Variants in SPATC1 observed in about 807,000 individuals in gnomAD.
SPATC1 encodes the protein speriolin.
A neutral mutation model predicts 36.5 loss-of-function variants in SPATC1; 35 were observed. The observed-to-expected ratio is 0.96, with a 90% CI of 0.73 to 1.27. The LOEUF is 1.27. Ranked by LOEUF, SPATC1 falls within the 50% of genes most tolerant of loss-of-function variation. The pLI, the probability that SPATC1 is intolerant of heterozygous loss-of-function variation, is 0.00. For synonymous variants in SPATC1, 361 were observed against 353.6 expected (o/e 1.02, Z -0.24); for missense variants, 779 against 796.0 (o/e 0.98, Z 0.26).
chr8:144,026,987 C>CTTTTTTT (rs1169014232), intron 1 of SPATC1, among the ~76,000 whole-genome samples: 1 of 114,302 alleles, frequency 8.7e-6, no homozygotes, highest in African/African-American at 3.4e-5. Context: ...TTTTTTTTTT[C>CTTTTTTT]TTTTTTTTTT....
At chr8:144,015,573 C>T (rs546050971) in intron 1 of SPATC1, among the ~76,000 whole-genome samples, 30 of 148,944 alleles carry the variant, frequency 2.0e-4, no homozygotes, top group African/African-American at 7.1e-4. Context: ...GAAACCCCAT[C>T]TCTACTACAA....
In SPATC1 at chr8:144,016,334, C is replaced by T. The variant is rs1223178701; in HGVS notation, c.211+3608C>T. Among the ~76,000 whole-genome samples, 2 of 151,864 alleles carry T rather than the reference C, an allele frequency of 1.3e-5. No individual in the cohort carries two copies. The highest frequency in any genetic ancestry group is 2.9e-5 in the Non-Finnish European group (2 of 67,978). ...TGTGTGATTTGTGAGTGAATGTGTGCATATGGCTCTGTGTGTGTGTGAGTT... is the reference window on the plus strand; with the variant it reads ...TGTGTGATTTGTGAGTGAATGTGTGTATATGGCTCTGTGTGTGTGTGAGTT... On this transcript the variant is annotated intron_variant, in intron 1 of 4. Transcript: ENST00000377470. This position sits in a 1 kb window ranked among gnomAD's most constrained non-coding sequence, Gnocchi z 4.5.
In SPATC1 at chr8:144,040,274, G is replaced by A; in HGVS notation, c.577G>A (p.Val193Ile). The A allele has an allele frequency of 6.2e-7, 1 of 1,612,774 alleles. No homozygotes were observed. The highest frequency in any genetic ancestry group is 1.3e-5 in the African/African-American group (1 of 75,040). The change falls in exon 2 of 5, where the codon GTC (valine) becomes ATC (isoleucine). Residue 193 changes from valine to isoleucine, a missense_variant. Transcript: ENST00000377470. ...AGCCCCTGTGATGGGCACGGTGGCT[G>A]TCTCTCTGAGCAGCCCCCTCCTCAG... is the stretch of plus-strand genomic sequence containing the variant. Reference protein sequence around the residue: ...LIAPVMGTVAVSLSSPLLSST... With the variant: ...LIAPVMGTVAISLSSPLLSST...
At chr8:144,015,442 AG>A (rs150385770) in intron 1 of SPATC1, among the ~76,000 whole-genome samples, 5,123 of 151,344 alleles carry the variant, frequency 0.034, 307 homozygotes, top group African/African-American at 0.12. Context: ...TAAAAAAAAA[AG>A]AAAGAAAGAA....
At chr8:144,026,100 A>C (rs1834671755) in intron 1 of SPATC1, among the ~76,000 whole-genome samples, 2 of 147,316 alleles carry the variant, frequency 1.4e-5, no homozygotes, top group Non-Finnish European at 1.5e-5. Context: ...CCCTCTCACC[A>C]CCCCCTCCCC....
At chr8:144,027,778 A>G (rs1834714798) in intron 1 of SPATC1, among the ~76,000 whole-genome samples, 1 of 152,164 alleles carries the variant, frequency 6.6e-6, no homozygotes, top group Admixed American at 6.5e-5. Flanking sequence ...GGATCACTTG[A>G]GGTCAGGAGT....
intron 1 of SPATC1, among the ~76,000 whole-genome samples, chr8:144,025,938 T>C (rs1271015053): frequency 6.6e-6 from 1 of 152,198 alleles, no homozygotes; most frequent in Non-Finnish European, 1.5e-5. Flanking sequence ...TGAGATGTAA[T>C]TCATATAACC....
Position 144,040,119 on chromosome 8 carries a change from T to C in SPATC1, c.422T>C (p.Leu141Pro), listed in dbSNP as rs1396365258. ...CAGAGCAGCCCCCTCACCAGCTTCC[T>C]GACCAGTCCCATTGCGGGACCCCTA... ...TSQSSPLTSF[L>P]TSPIAGPLTG... The change falls in exon 2 of 5, where the codon CTG (leucine) becomes CCG (proline). Residue 141 changes from leucine (L) to proline (P), a missense_variant. By Grantham distance (98) the Leu-to-Pro change is moderately conservative. Coordinates refer to ENST00000377470, the MANE Select transcript of SPATC1 (RefSeq NM_198572.3). 2.5e-6 allele frequency: 4 copies of C among 1,610,410 alleles called. No individual in the cohort carries two copies. Among genetic ancestry groups the C allele is most frequent in the Non-Finnish European group, 3.4e-6 (4 of 1,179,450 alleles).
rs575362709 is a variant in SPATC1 at position 144,016,305 on chromosome 8, A to G, written c.211+3579A>G. ...GAGAGGATATGGTGTATCTGCTTTGACGGTGTGTGATTTGTGAGTGAATGT... is the reference window on the plus strand; with the variant it reads ...GAGAGGATATGGTGTATCTGCTTTGGCGGTGTGTGATTTGTGAGTGAATGT... On this transcript the variant is annotated intron_variant, in intron 1 of 4. Transcript: ENST00000377470. This position sits in a 1 kb window ranked among gnomAD's most constrained non-coding sequence, Gnocchi z 4.5. Among the ~76,000 whole-genome samples, 3 of 152,070 alleles carry G rather than the reference A, an allele frequency of 2.0e-5. No homozygotes were observed. The highest frequency in any genetic ancestry group is 4.4e-5 in the Non-Finnish European group (3 of 67,958).
chr8:144,046,966 T>C lies in SPATC1; in HGVS notation c.*10T>C. On this transcript the variant is annotated 3_prime_UTR_variant, in exon 5 of 5. Coordinates refer to ENST00000377470, the MANE Select transcript of SPATC1 (RefSeq NM_198572.3). This position sits in a 1 kb window ranked among gnomAD's most constrained non-coding sequence, Gnocchi z 6.6. ...CATGTTCATCTGGTGACGCTGGAGCTGGGAGGTCCAGGCTCGCTCAGCCCC... is the reference window on the plus strand; with the variant it reads ...CATGTTCATCTGGTGACGCTGGAGCCGGGAGGTCCAGGCTCGCTCAGCCCC... 6.3e-7 allele frequency: 1 copy of C among 1,592,300 alleles called. No homozygotes were observed.
intron 1 of SPATC1, among the ~76,000 whole-genome samples, chr8:144,034,429 A>C: frequency 6.6e-6 from 1 of 150,882 alleles, no homozygotes; most frequent in Non-Finnish European, 1.5e-5. Flanking sequence ...TTTAGAAAAC[A>C]CTTTTCTTCA....
rs1346759697 is a variant in SPATC1, at chr8:144,046,742, A to G, written c.1562A>G (p.His521Arg). ...LQSLGYNGRV[H>R]PALTEQLVNA... ...AGTCTGGGCTACAACGGGCGGGTGC[A>G]CCCTGCGCTGACCGAGCAGCTGGTG... The change falls in exon 5 of 5, where the codon CAC becomes CGC. Residue 521 changes from histidine (H) to arginine (R), a missense_variant. Transcript: ENST00000377470. This position sits in a 1 kb window ranked among gnomAD's most constrained non-coding sequence, Gnocchi z 6.6. The G allele has an allele frequency of 5.0e-6, 8 of 1,612,048 alleles. No homozygotes were observed. The highest frequency in any genetic ancestry group is 1.6e-4 in the Middle Eastern group (1 of 6,082).
Position 144,041,008 on chromosome 8 carries a change from C to A in SPATC1, c.1207C>A (p.Arg403=). The change falls in exon 3 of 5, where the codon CGA becomes AGA. Residue 403 remains arginine (R), a synonymous_variant. Transcript: ENST00000377470. ...CTCCCCGGCTTCAGTCAATGACTCT[C>A]GAGGTCCACGCACCACAGAACCGTC... is the stretch of plus-strand genomic sequence containing the variant. ...SSSPASVNDS[R]GPRTTEPSTK... 1 of 1,612,480 alleles carries A rather than the reference C, an allele frequency of 6.2e-7. No individual in the cohort carries two copies. Among genetic ancestry groups the A allele is most frequent in the South Asian group, 1.1e-5 (1 of 90,978 alleles).
chr8:144,012,527 C>T lies in SPATC1; in HGVS notation c.12C>T (p.Leu4=). The part of the protein sequence containing the change: MSL[L]TNYEGLRHQI... ...CACTGCCCCAGGGCATGTCTCTACT[C>T]ACCAATTATGAAGGGCTTCGGCATC... The change falls in exon 1 of 5, where the codon CTC becomes CTT. Residue 4 remains leucine (L), a synonymous_variant. Transcript: ENST00000377470. 6.4e-7 allele frequency: 1 copy of T among 1,551,750 alleles called. No individual in the cohort carries two copies. Among genetic ancestry groups the T allele is most frequent in the Non-Finnish European group, 8.7e-7 (1 of 1,146,992 alleles).
intron 4 of SPATC1, 28 bp downstream of exon 4, chr8:144,041,399 A>T: frequency 6.2e-7 from 1 of 1,600,660 alleles, no homozygotes; most frequent in Non-Finnish European, 8.5e-7. Flanking sequence ...CTGCAGGGAC[A>T]GGGGGCAGGT....
At chr8:144,038,015 G>A (rs1834957484) in intron 1 of SPATC1, among the ~76,000 whole-genome samples, 1 of 151,562 alleles carries the variant, frequency 6.6e-6, no homozygotes, top group Non-Finnish European at 1.5e-5. Context: ...TGTAATCCCA[G>A]CTACGCGAGG....
chr8:144,038,689 G>A (rs1336441853), intron 1 of SPATC1, among the ~76,000 whole-genome samples: 1 of 151,996 alleles, frequency 6.6e-6, no homozygotes, highest in African/African-American at 2.4e-5. Flanking sequence ...TGAGCAGGCC[G>A]GTCTGGAACT....
rs782656118 is a variant in SPATC1 at position 144,040,988 on chromosome 8, C to T, written c.1187C>T (p.Pro396Leu). ...AHSPPRTSSS[P>L]ASVNDSRGPR... ...TCCCCACCTCGTACCTCATCCTCCC[C>T]GGCTTCAGTCAATGACTCTCGAGGT... Residue 396 changes from proline (P) to leucine (L), a missense_variant, in exon 3 of 5, where the codon CCG (proline) becomes CTG (leucine). Coordinates refer to ENST00000377470, the MANE Select transcript of SPATC1 (RefSeq NM_198572.3). 1.1e-5 allele frequency: 18 copies of T among 1,612,386 alleles called. No homozygotes were observed. Among genetic ancestry groups the T allele is most frequent in the Non-Finnish European group, 1.4e-5 (16 of 1,179,822 alleles).
intron 4 of SPATC1, among the ~76,000 whole-genome samples, chr8:144,042,284 A>AATATATATATAT (rs1554756220): frequency 5.0e-4 from 18 of 36,296 alleles, no homozygotes; most frequent in African/African-American, 1.6e-3. Flanking sequence ...ACGCCCAGCT[A>AATATATATATAT]ATATATATAT....
Sources: gnomAD v4.1 joint callset for allele counts (sites outside exome capture counted in the v4.1 genomes callset) on GRCh38, gnomAD v4.1.1 for gene constraint, Gnocchi (gnomAD v3.1) non-coding constraint, MANE v1.5 for transcripts, NCBI Gene and HGNC (gene_info 2026-07-23, HGNC 2026-07-21) for gene names.